JMY: variants seen among roughly 807,000 people sequenced by gnomAD.
The protein encoded by JMY is junction-mediating and -regulatory protein.
Under a neutral mutation model 103.3 loss-of-function variants are expected in JMY, and 46 were observed. The ratio of observed to expected loss-of-function variants is 0.45; its 90% CI spans 0.35 to 0.57. The LOEUF is 0.57. Among genes scored for constraint, JMY ranks in the 20% least tolerant of loss-of-function variants. The pLI is 0.00. For missense variants in JMY, 1,238 were observed against 1,255.2 expected (o/e 0.99, Z 0.21); for synonymous variants, 526 against 489.3 (o/e 1.07, Z -0.99).
chr5:79,297,567 A>G (rs1748775111), intron 4 of JMY, among the ~76,000 whole-genome samples: 1 of 152,192 alleles, frequency 6.6e-6, no homozygotes, highest in African/African-American at 2.4e-5. Context: ...TCCACATTGA[A>G]GATTAGATAG....
intron 1 of JMY, among the ~76,000 whole-genome samples, chr5:79,253,468 G>A (rs1745150930): frequency 6.6e-6 from 1 of 151,706 alleles, no homozygotes; most frequent in African/African-American, 2.4e-5. Flanking sequence ...GGTTTTTTGT[G>A]TTTTTAGTAG....
chr5:79,301,447 A>G (rs1286945491), intron 6 of JMY, among the ~76,000 whole-genome samples: 1 of 152,210 alleles, frequency 6.6e-6, no homozygotes, highest in African/African-American at 2.4e-5. Context: ...AAGCTCAAGT[A>G]TTATAAAAGT....
chr5:79,278,176 A>G, intron 2 of JMY, 93 bp downstream of exon 2: 1 of 1,016,008 alleles, frequency 9.8e-7, no homozygotes, highest in Non-Finnish European at 1.4e-6. Flanking sequence ...ACTTTAAAAA[A>G]AAAAAAAAAA....
rs976779456 is a variant in JMY, at chr5:79,293,531, T to C, written c.1527+2232T>C. Among the ~76,000 whole-genome samples, 5 of 152,114 alleles carry C rather than the reference T, an allele frequency of 3.3e-5. No individual in the cohort carries two copies. The East Asian group carries it at 9.6e-4, about 29-fold the overall frequency. ...GTCATGGACTCCCAAAGTTCTGAGA[T>C]TATAGGTGTGAGCCACTGCGTCTGG... is the stretch of plus-strand genomic sequence containing the variant. On this transcript the variant is annotated intron_variant, in intron 4 of 10. Transcript: ENST00000396137.
chr5:79,315,206 C>T (rs547246244), intron 9 of JMY, among the ~76,000 whole-genome samples: 41 of 152,210 alleles, frequency 2.7e-4, no homozygotes, highest in African/African-American at 9.6e-4. Flanking sequence ...TAAGGACTGT[C>T]ACCACAGGGA....
chr5:79,257,201 T>C (rs1163035605), intron 1 of JMY, among the ~76,000 whole-genome samples: 1 of 151,978 alleles, frequency 6.6e-6, no homozygotes, highest in Non-Finnish European at 1.5e-5. Flanking sequence ...GCCTCCCAAG[T>C]AGCCGTGATT....
At chr5:79,284,760 T>A in intron 2 of JMY, 1 of 1,582,518 alleles carries the variant, frequency 6.3e-7, no homozygotes, top group Non-Finnish European at 8.6e-7. Context: ...TTTTGGTTCC[T>A]TGGGTCCTGG....
intron 1 of JMY, among the ~76,000 whole-genome samples, chr5:79,246,639 T>G (rs977136927): frequency 1.3e-5 from 2 of 152,102 alleles, no homozygotes; most frequent in African/African-American, 4.8e-5. Flanking sequence ...TCCCAGCACT[T>G]TGGGAGGCCG....
At chr5:79,271,324 G>T (rs1295551727) in intron 1 of JMY, among the ~76,000 whole-genome samples, 2 of 151,948 alleles carry the variant, frequency 1.3e-5, no homozygotes, top group Non-Finnish European at 2.9e-5. Context: ...AATCCATCAT[G>T]CTCAGCCTGT....
At chr5:79,315,728 TCCCAG>T in intron 9 of JMY, among the ~76,000 whole-genome samples, 1 of 152,170 alleles carries the variant, frequency 6.6e-6, no homozygotes, top group South Asian at 2.1e-4. Context: ...TAAGACCACC[TCCCAG>T]TTCCCAATCT....
At chr5:79,302,100 A>C (rs911011313) in intron 6 of JMY, among the ~76,000 whole-genome samples, 3 of 151,806 alleles carry the variant, frequency 2.0e-5, no homozygotes, top group African/African-American at 7.3e-5. Flanking sequence ...AAAAAAAAAA[A>C]AACATTGCAG....
intron 10 of JMY, among the ~76,000 whole-genome samples, chr5:79,316,807 G>T (rs1747239358): frequency 6.7e-6 from 1 of 150,108 alleles, no homozygotes; most frequent in South Asian, 2.1e-4. Flanking sequence ...TCGAGAGGCT[G>T]AGGCAAGAGA....
chr5:79,246,938 A>G (rs1248216877), intron 1 of JMY, among the ~76,000 whole-genome samples: 1 of 152,074 alleles, frequency 6.6e-6, no homozygotes, highest in African/African-American at 2.4e-5. Flanking sequence ...TCTAGTAAAC[A>G]CTTGATAAAT....
intron 1 of JMY, among the ~76,000 whole-genome samples, chr5:79,270,822 G>A (rs1745762296): frequency 6.6e-6 from 1 of 150,984 alleles, no homozygotes; most frequent in Non-Finnish European, 1.5e-5. Context: ...TTTGCTGAGA[G>A]TTTTATCATG....
At chr5:79,249,084 T>C (rs1447867044) in intron 1 of JMY, among the ~76,000 whole-genome samples, 1 of 142,412 alleles carries the variant, frequency 7.0e-6, no homozygotes, top group Non-Finnish European at 1.5e-5. Context: ...TCTTGTTAGG[T>C]GATGTGAATT....
intron 6 of JMY, among the ~76,000 whole-genome samples, chr5:79,302,083 C>CAA (rs33983370): frequency 0.069 from 7,007 of 102,120 alleles, 609 homozygotes; most frequent in African/African-American, 0.19. Context: ...AACTCCGTCT[C>CAA]AAAAAAAAAA....
At chr5:79,296,366 A>G (rs947188006) in intron 4 of JMY, among the ~76,000 whole-genome samples, 2 of 152,206 alleles carry the variant, frequency 1.3e-5, no homozygotes, top group Admixed American at 6.5e-5. Context: ...TGAAACCTGT[A>G]TTTATACTCA....
rs140140805 is a variant in JMY at position 79,304,198 on chromosome 5, C to T, written c.1882-2177C>T. ...ACCCCAAGCCCAGCAACTGAGGTGG[C>T]AGAACTGCAGAGGGAAGGAGTAGTG... On this transcript the variant is annotated intron_variant, in intron 6 of 10. Transcript: ENST00000396137. 1.6e-3 allele frequency among the ~76,000 whole-genome samples: 239 copies of T among 152,086 alleles called. 1 individual carries two copies. The highest frequency in any genetic ancestry group is 5.5e-3 in the African/African-American group (227 of 41,482).
At chr5:79,248,339 C>G (rs1210524704) in intron 1 of JMY, among the ~76,000 whole-genome samples, 1 of 148,538 alleles carries the variant, frequency 6.7e-6, no homozygotes, top group Non-Finnish European at 1.5e-5. Flanking sequence ...CAGAGTCTCC[C>G]TCTGTCACCC....
Sources: gnomAD v4.1 joint callset for allele counts (sites outside exome capture counted in the v4.1 genomes callset) on GRCh38, gnomAD v4.1.1 for gene constraint, MANE v1.5 for transcripts, NCBI Gene and HGNC (gene_info 2026-07-23, HGNC 2026-07-21) for gene names.